Variants in CD226 observed in about 807,000 individuals in gnomAD.
CD226 encodes CD226 antigen.
CD226 carries 24 observed loss-of-function variants against 34.9 expected under a neutral mutation model. That is an observed-to-expected ratio of 0.69 (90% CI 0.50 to 0.97). CD226 has a LOEUF of 0.97. Among genes scored for constraint, CD226 ranks in the 50% least tolerant of loss-of-function variants. The pLI, the probability that CD226 is intolerant of heterozygous loss-of-function variation, is 0.00. For missense variants in CD226, 397 were observed against 412.7 expected (o/e 0.96, Z 0.33); for synonymous variants, 148 against 147.4 (o/e 1.00, Z -0.03).
chr18:69,951,827 G>A (rs547860050), upstream of CD226, among the ~76,000 whole-genome samples: 6 of 152,284 alleles, frequency 3.9e-5, no homozygotes, highest in Admixed American at 1.3e-4. Context: ...CTGTTCATGG[G>A]AATGTAAATT....
chr18:69,885,924 C>G (rs755840557), intron 3 of CD226, among the ~76,000 whole-genome samples: 1 of 149,576 alleles, frequency 6.7e-6, no homozygotes, highest in Non-Finnish European at 1.5e-5. Flanking sequence ...CCACGAACCA[C>G]CCCCGCTCCC....
At chr18:69,925,969 C>T (rs935831435) in intron 2 of CD226, among the ~76,000 whole-genome samples, 4 of 152,038 alleles carry the variant, frequency 2.6e-5, no homozygotes, top group African/African-American at 7.2e-5. Context: ...ATGGTGATAC[C>T]CCATCTCTAC....
chr18:69,897,108 G>C (rs1255234240), intron 2 of CD226, among the ~76,000 whole-genome samples: 2 of 152,064 alleles, frequency 1.3e-5, no homozygotes, highest in Non-Finnish European at 2.9e-5. Flanking sequence ...CTTCACTCCA[G>C]TTCTCTCACA....
intron 2 of CD226, among the ~76,000 whole-genome samples, chr18:69,938,235 T>C (rs907123959): frequency 2.6e-5 from 4 of 152,190 alleles, no homozygotes; most frequent in Admixed American, 2.6e-4. Context: ...ACTATAAATA[T>C]GAGTTCTATG....
chr18:69,886,696 A>C (rs1377691828), intron 3 of CD226, among the ~76,000 whole-genome samples: 1 of 148,938 alleles, frequency 6.7e-6, no homozygotes, highest in Non-Finnish European at 1.5e-5. Context: ...ACAGAGTGAG[A>C]ACCTGTCTCA....
chr18:69,909,677 A>C (rs1463352038), intron 2 of CD226, among the ~76,000 whole-genome samples: 1 of 152,226 alleles, frequency 6.6e-6, no homozygotes. Context: ...GGGAAACAAG[A>C]GTGTCCATGG....
intron 3 of CD226, among the ~76,000 whole-genome samples, chr18:69,879,245 C>T (rs183176787): frequency 6.6e-6 from 1 of 152,204 alleles, no homozygotes; most frequent in Non-Finnish European, 1.5e-5. Flanking sequence ...ACCAGTCTGA[C>T]TAGAATTCGC....
At chr18:69,879,843 C>T (rs1443653099) in intron 3 of CD226, among the ~76,000 whole-genome samples, 3 of 152,246 alleles carry the variant, frequency 2.0e-5, no homozygotes. Flanking sequence ...TCCCACAGCA[C>T]CATTTCCCAG....
upstream of CD226, among the ~76,000 whole-genome samples, chr18:69,961,159 A>G (rs569281375): frequency 2.2e-4 from 33 of 152,360 alleles, no homozygotes; most frequent in South Asian, 1.0e-3. Flanking sequence ...ACGTGTATGT[A>G]TATGTAGGTA....
intron 2 of CD226, among the ~76,000 whole-genome samples, chr18:69,917,236 A>G (rs1357292761): frequency 1.3e-5 from 2 of 152,198 alleles, no homozygotes; most frequent in Non-Finnish European, 2.9e-5. Flanking sequence ...TTCTCAGCAC[A>G]TATTCTAAGG....
intron 2 of CD226, among the ~76,000 whole-genome samples, chr18:69,930,528 C>CA (rs5825980): frequency 0.91 from 137,661 of 152,096 alleles, 63,501 homozygotes; most frequent in East Asian, 1. Flanking sequence ...CCAGTCTAAG[C>CA]AACGTGAACT....
chr18:69,942,118 C>A (rs2145357626), intron 2 of CD226, among the ~76,000 whole-genome samples: 1 of 152,280 alleles, frequency 6.6e-6, no homozygotes, highest in South Asian at 2.1e-4. Flanking sequence ...GCCTCCCCAG[C>A]CATACTGAAC....
intron 2 of CD226, among the ~76,000 whole-genome samples, chr18:69,917,192 T>G (rs1040137243): frequency 3.3e-5 from 5 of 152,204 alleles, no homozygotes; most frequent in Non-Finnish European, 5.9e-5. Flanking sequence ...TAAAATTCTA[T>G]GTATCCCCAA....
Position 69,861,100 on chromosome 18 carries a change from A to G in CD226, c.*3214T>C, listed in dbSNP as rs1982791103. The G allele has an allele frequency of 6.6e-6, 1 of 152,046 alleles. No homozygotes were observed. The highest frequency in any genetic ancestry group is 2.4e-5 in the African/African-American group (1 of 41,418). The allele number at this position is 152,046 out of a possible 1,614,324, so 9.4% of individuals were successfully genotyped here. A position where few individuals can be genotyped will look rare whatever the true frequency, so the allele number is the denominator to read the frequency against. ...TTCACAATCCACGAATGCCTACTAA[A>G]AGTATTTTTACTTACTTTGTCTTTT... On this transcript the variant is annotated 3_prime_UTR_variant, in exon 6 of 6. Coordinates refer to ENST00000582621, the MANE Select transcript of CD226 (RefSeq NM_001303618.2).
intron 2 of CD226, among the ~76,000 whole-genome samples, chr18:69,905,147 C>T (rs1172556315): frequency 6.6e-6 from 1 of 152,158 alleles, no homozygotes; most frequent in Non-Finnish European, 1.5e-5. Context: ...GGGAGCCAGT[C>T]TCAAACCAGC....
intron 2 of CD226, among the ~76,000 whole-genome samples, chr18:69,921,528 T>C (rs1248895827): frequency 6.6e-6 from 1 of 152,162 alleles, no homozygotes; most frequent in East Asian, 1.9e-4. Context: ...CACCACATCT[T>C]TTAACCTTCC....
At chr18:69,886,358 G>T (rs1984555341) in intron 3 of CD226, among the ~76,000 whole-genome samples, 2 of 152,170 alleles carry the variant, frequency 1.3e-5, no homozygotes. Context: ...AAAGCCCTGT[G>T]ACACGTAATT....
chr18:69,926,508 GA>G (rs527977653), intron 2 of CD226, among the ~76,000 whole-genome samples: 113 of 152,272 alleles, frequency 7.4e-4, no homozygotes, highest in African/African-American at 2.6e-3. Flanking sequence ...ATATGATAGG[GA>G]GGAGGGCAGG....
At chr18:69,904,495 C>G (rs1426093302) in intron 2 of CD226, among the ~76,000 whole-genome samples, 1 of 152,160 alleles carries the variant, frequency 6.6e-6, no homozygotes, top group Non-Finnish European at 1.5e-5. Flanking sequence ...GAGATTGGCT[C>G]CTGAAAGGTA....
Sources: gnomAD v4.1 joint callset for allele counts (sites outside exome capture counted in the v4.1 genomes callset) on GRCh38, gnomAD v4.1.1 for gene constraint, MANE v1.5 for transcripts, NCBI Gene and HGNC (gene_info 2026-07-23, HGNC 2026-07-21) for gene names.